Variants in PDIA6 observed in about 807,000 individuals in gnomAD.
PDIA6 encodes protein disulfide isomerase family A member 6, also known as protein disulfide-isomerase A6.
A neutral mutation model predicts 58.4 loss-of-function variants in PDIA6; 29 were observed. That is an observed-to-expected ratio of 0.50 (90% confidence interval 0.37 to 0.68). The LOEUF (loss-of-function observed/expected upper bound fraction) is 0.68. PDIA6 is among the 30% of genes least tolerant of loss of function. PDIA6 has a pLI of 0.00. For missense variants in PDIA6, 480 were observed against 551.0 expected, an observed-to-expected ratio of 0.87 and a Z score of 1.29; for synonymous variants, 192 against 202.6, an observed-to-expected ratio of 0.95 and a Z score of 0.44.
intron 2 of PDIA6, among the ~76,000 whole-genome samples, chr2:10,799,147 T>A (rs2148548764): frequency 6.6e-6 from 1 of 152,332 alleles, no homozygotes; most frequent in South Asian, 2.1e-4. Flanking sequence ...AAATTACATG[T>A]GCGTAAACCT....
Position 10,788,974 on chromosome 2 carries a change from T to G in PDIA6, c.848A>C (p.Asn283Thr). 1 of 1,613,706 alleles carries G rather than the reference T, an allele frequency of 6.2e-7. No individual in the cohort carries two copies. Among genetic ancestry groups the G allele is most frequent in the Non-Finnish European group, 8.5e-7 (1 of 1,179,570 alleles). ...APPPELLEII[N>T]EDIAKRTCEE... ...ACACGTCCTCTTGGCAATGTCCTCG[T>G]TGATAATCTGTGGGACCCAAAAGAC... Residue 283 changes from asparagine (N) to threonine (T), a missense_variant, in exon 9 of 13, where the codon AAC (asparagine) becomes ACC (threonine). Coordinates refer to ENST00000272227, the MANE Select transcript of PDIA6 (RefSeq NM_005742.4).
chr2:10,785,144 C>G, intron 11 of PDIA6, 114 bp from the exon 12 acceptor site: 1 of 711,688 alleles, frequency 1.4e-6, no homozygotes, highest in East Asian at 2.7e-5. Flanking sequence ...AGAGGCATTT[C>G]TTCTCTCTTG....
chr2:10,810,492 T>C (rs1423497468), intron 1 of PDIA6: 1 of 1,288,942 alleles, frequency 7.8e-7, no homozygotes, highest in Admixed American at 3.7e-5. Flanking sequence ...AAGACGCTCT[T>C]TACTGACAGT....
chr2:10,798,389 G>C (rs956606894), intron 2 of PDIA6, among the ~76,000 whole-genome samples: 2 of 151,890 alleles, frequency 1.3e-5, no homozygotes, highest in African/African-American at 4.8e-5. Flanking sequence ...CCAACATGGT[G>C]ACACCCTGTC....
chr2:10,788,713 T>C lies in PDIA6; in HGVS notation c.982A>G (p.Lys328Glu). 1 of 1,612,568 alleles carries C rather than the reference T, an allele frequency of 6.2e-7. No individual in the cohort carries two copies. Among genetic ancestry groups the C allele is most frequent in the Non-Finnish European group, 8.5e-7 (1 of 1,178,490 alleles). The part of the protein sequence containing the change: ...EVLLKLADKY[K>E]KKMWGWLWTE... Reference sequence around the variant, plus strand: ...GTAACTTACCCCCACATTTTCTTTTTGTATTTGTCTGCCAACTTCAGAAGA... The same window carrying C: ...GTAACTTACCCCCACATTTTCTTTTCGTATTTGTCTGCCAACTTCAGAAGA... The change falls in exon 10 of 13, where the codon AAA becomes GAA. Residue 328 changes from lysine to glutamate, a missense_variant. Transcript: ENST00000272227.
chr2:10,819,355 C>T lies in PDIA6; in HGVS notation c.-47-1G>A. ...GAGTGGGCAGGAGAAGTTGGTGAGC[C>T]TGAAAGTGAGAGAGAAGAGGAGATG... On this transcript the variant is annotated splice_acceptor_variant, in intron 1 of 13. Coordinates refer to the PDIA6 transcript ENST00000381611. LOFTEE classifies it low-confidence loss of function (5UTR_SPLICE). 6.6e-7 allele frequency: 1 copy of T among 1,515,100 alleles called. No homozygotes were observed. Among genetic ancestry groups the T allele is most frequent in the African/African-American group, 1.4e-5 (1 of 72,920 alleles). The allele number at this position is 1,515,100 out of a possible 1,614,324, so 93.9% of individuals were successfully genotyped here. A position where few individuals can be genotyped will look rare whatever the true frequency, so the allele number is the denominator to read the frequency against.
rs1324446389 is a variant in PDIA6 at position 10,806,401 on chromosome 2, T to A, written c.20-3761A>T. On this transcript the variant is annotated intron_variant, in intron 1 of 12. Coordinates refer to ENST00000272227, the MANE Select transcript of PDIA6 (RefSeq NM_005742.4). ...AAAAAAAAGAGAGAAAATATTTTTGTACTGCTGTTTTGTATAATGCGTTTT... is the reference window on the plus strand; with the variant it reads ...AAAAAAAAGAGAGAAAATATTTTTGAACTGCTGTTTTGTATAATGCGTTTT... Among the ~76,000 whole-genome samples the A allele has an allele frequency of 2.0e-5, 3 of 150,690 alleles. No individual in the cohort carries two copies. The East Asian group carries it at 5.9e-4, about 30-fold the overall frequency.
At chr2:10,811,583 C>T (rs1237995923) in intron 1 of PDIA6, among the ~76,000 whole-genome samples, 2 of 152,120 alleles carry the variant, frequency 1.3e-5, no homozygotes, top group South Asian at 2.1e-4. Flanking sequence ...TGGTGAACAC[C>T]GTTGAAAAGG....
chr2:10,787,463 G>A (rs555043552), intron 10 of PDIA6, 24 bp from the exon 11 acceptor site: 3 of 1,595,010 alleles, frequency 1.9e-6, no homozygotes, highest in East Asian at 2.2e-5. Context: ...CTGGTTTTTA[G>A]GGCAAATATG....
chr2:10,824,214 A>T (rs1667484896), intron 1 of PDIA6, among the ~76,000 whole-genome samples: 1 of 151,196 alleles, frequency 6.6e-6, no homozygotes, highest in African/African-American at 2.4e-5. Flanking sequence ...ACCTCCAGTC[A>T]TGGGGAGTGT....
intron 7 of PDIA6, 65 bp from the exon 8 acceptor site, chr2:10,789,954 C>A: frequency 1.4e-6 from 2 of 1,455,266 alleles, no homozygotes; most frequent in Non-Finnish European, 1.9e-6. Context: ...ACAATCTTTA[C>A]AGTTTCTAAA....
chr2:10,835,593 C>T (rs1259060039), upstream of PDIA6, among the ~76,000 whole-genome samples: 1 of 152,158 alleles, frequency 6.6e-6, no homozygotes, highest in Non-Finnish European at 1.5e-5. Context: ...CAGATCGGGA[C>T]GATGTTTTAA....
chr2:10,825,214 C>A (rs373559384), intron 1 of PDIA6, among the ~76,000 whole-genome samples: 1 of 152,040 alleles, frequency 6.6e-6, no homozygotes, highest in East Asian at 1.9e-4. Flanking sequence ...TTGGACCTTG[C>A]GATCATGTGA....
At chr2:10,818,987 T>C (rs1323426136) in intron 2 of PDIA6, among the ~76,000 whole-genome samples, 1 of 152,170 alleles carries the variant, frequency 6.6e-6, no homozygotes, top group East Asian at 1.9e-4. Flanking sequence ...GTCATCCTAC[T>C]TTCTGTCTTT....
At chr2:10,808,864 T>C (rs1481494276) in intron 1 of PDIA6, among the ~76,000 whole-genome samples, 1 of 152,198 alleles carries the variant, frequency 6.6e-6, no homozygotes, top group Non-Finnish European at 1.5e-5. Context: ...CTCACTCAGC[T>C]GCCCAGGCTG....
chr2:10,824,939 C>G (rs1033354830), intron 1 of PDIA6, among the ~76,000 whole-genome samples: 1 of 151,994 alleles, frequency 6.6e-6, no homozygotes, highest in Non-Finnish European at 1.5e-5. Flanking sequence ...AGGGTGTTGC[C>G]AAAGGAGATT....
At chr2:10,802,989 T>C (rs555391343) in intron 1 of PDIA6, among the ~76,000 whole-genome samples, 5 of 152,296 alleles carry the variant, frequency 3.3e-5, no homozygotes, top group South Asian at 4.1e-4. Flanking sequence ...CGCTGAAAAA[T>C]TGGGAGGTCA....
chr2:10,829,401 A>C (rs750736277), intron 1 of PDIA6, among the ~76,000 whole-genome samples: 2 of 151,860 alleles, frequency 1.3e-5, no homozygotes, highest in Non-Finnish European at 2.9e-5. Context: ...GCTTCTCCAG[A>C]CTCTCATTTT....
intron 1 of PDIA6, among the ~76,000 whole-genome samples, chr2:10,826,691 G>T (rs1051760946): frequency 6.6e-6 from 1 of 152,100 alleles, no homozygotes; most frequent in African/African-American, 2.4e-5. Flanking sequence ...TGAATCATAT[G>T]GTGTGTGGAT....
Sources: allele counts gnomAD v4.1 joint callset (sites outside exome capture counted in the v4.1 genomes callset), GRCh38; gene constraint gnomAD v4.1.1; transcripts MANE v1.5; gene names NCBI Gene and HGNC (gene_info 2026-07-23, HGNC 2026-07-21).